Variants in EXOC6B observed in about 807,000 individuals in gnomAD.
The protein encoded by EXOC6B is SEC15 homolog B.
A neutral mutation model predicts 113.5 loss-of-function variants in EXOC6B; 54 were observed. That is an observed-to-expected ratio of 0.48 (90% CI 0.38 to 0.60). The LOEUF (loss-of-function observed/expected upper bound fraction) is 0.60, where lower values mean the gene tolerates loss of function less well. Ranked by LOEUF, EXOC6B falls within the 20% of genes least tolerant of loss-of-function variation. The pLI, the probability that EXOC6B is intolerant of heterozygous loss-of-function variation, is 0.00. For synonymous variants in EXOC6B, 357 were observed against 339.0 expected, an observed-to-expected ratio of 1.05 and a Z score of -0.58; for missense variants, 797 against 977.5, an observed-to-expected ratio of 0.82 and a Z score of 2.46.
intron 20 of EXOC6B, among the ~76,000 whole-genome samples, chr2:72,194,567 A>ATT (rs1234825198): frequency 1.9e-5 from 2 of 104,426 alleles, no homozygotes; most frequent in Non-Finnish European, 3.6e-5. Context: ...TGGGTGAATG[A>ATT]TTTCTCTCTC....
chr2:72,336,151 T>C (rs1006093242), intron 19 of EXOC6B, among the ~76,000 whole-genome samples: 1 of 152,164 alleles, frequency 6.6e-6, no homozygotes, highest in African/African-American at 2.4e-5. Flanking sequence ...TCAAAGCAAA[T>C]ATGAAAAGGA....
At position 72,825,669 on chromosome 2, in the gene EXOC6B, G is replaced by T; in HGVS notation, c.113+129C>A. The T allele has an allele frequency of 8.6e-7, 1 of 1,162,610 alleles. No homozygotes were observed. Among genetic ancestry groups the T allele is most frequent in the Non-Finnish European group, 1.1e-6 (1 of 877,352 alleles). 72.0% of individuals were successfully genotyped at this position (1,162,610 alleles called of 1,614,324 possible). ...TGCGAAGGGAGACCCGCCTCGCCCG[G>T]TATGCAGGGTCTCTCCGAAGGGAGG... On this transcript the variant is annotated intron_variant, in intron 1 of 21. Coordinates refer to ENST00000272427, the MANE Select transcript of EXOC6B (RefSeq NM_015189.3). The surrounding 1 kb of genome is among the most constrained non-coding windows in gnomAD (Gnocchi z 4.4).
rs116505505 is a variant in EXOC6B at position 72,400,488 on chromosome 2, A to G, written c.1981-20618T>C. 2.8e-3 allele frequency among the ~76,000 whole-genome samples: 424 copies of G among 152,228 alleles called. 1 individual carries two copies. Among genetic ancestry groups the G allele is most frequent in the African/African-American group, 9.6e-3 (400 of 41,556 alleles). On this transcript the variant is annotated intron_variant, in intron 18 of 21. Coordinates refer to ENST00000272427, the MANE Select transcript of EXOC6B (RefSeq NM_015189.3). ...ATCTGCACAGTGAAAGAAATAATCA[A>G]CAGAATAAACAGACAAAATACAGAA...
intron 20 of EXOC6B, among the ~76,000 whole-genome samples, chr2:72,195,154 A>G (rs562927926): frequency 2.8e-4 from 43 of 152,316 alleles, no homozygotes; most frequent in Admixed American, 2.4e-3. Context: ...GTAAAGAGAA[A>G]AAAAGAAAGA....
chr2:72,531,432 C>T (rs187717983), intron 8 of EXOC6B, among the ~76,000 whole-genome samples: 7 of 152,110 alleles, frequency 4.6e-5, no homozygotes, highest in Admixed American at 1.3e-4. Flanking sequence ...CAGAAAGTAC[C>T]GGCAAATCAA....
In EXOC6B at chr2:72,286,435, T is replaced by G. The variant is rs538390519; in HGVS notation, c.2196+48512A>C. Among the ~76,000 whole-genome samples the G allele has an allele frequency of 7.2e-5, 11 of 152,192 alleles. 1 individual carries two copies. Among genetic ancestry groups the G allele is most frequent in the African/African-American group, 2.6e-4 (11 of 41,522 alleles). ...CTACATGATTCCAACTACATGACAT[T>G]CCAGAAAAGGCACAATGAGGGGGAC... On this transcript the variant is annotated intron_variant, in intron 20 of 21. Coordinates refer to ENST00000272427, the MANE Select transcript of EXOC6B (RefSeq NM_015189.3).
chr2:72,659,477 G>A (rs1368643847), intron 6 of EXOC6B, among the ~76,000 whole-genome samples: 4 of 152,046 alleles, frequency 2.6e-5, no homozygotes, highest in Non-Finnish European at 4.4e-5. Flanking sequence ...TTGAAGAACT[G>A]TGTTAACAGC....
intron 18 of EXOC6B, among the ~76,000 whole-genome samples, chr2:72,404,608 G>A (rs1232326368): frequency 6.6e-6 from 1 of 152,182 alleles, no homozygotes; most frequent in African/African-American, 2.4e-5. Flanking sequence ...GGACTGGAGT[G>A]GACCTCCAGC....
intron 6 of EXOC6B, among the ~76,000 whole-genome samples, chr2:72,708,269 T>C (rs1366405392): frequency 2.0e-5 from 3 of 152,166 alleles, no homozygotes; most frequent in African/African-American, 7.2e-5. Flanking sequence ...GTTAGGATAG[T>C]GGAACCACAA....
chr2:72,401,655 ATATATATATATG>A (rs1693325576), intron 18 of EXOC6B, among the ~76,000 whole-genome samples: 2 of 76,182 alleles, frequency 2.6e-5, no homozygotes, highest in African/African-American at 9.2e-5. Context: ...ACATATATAT[ATATATATATATG>A]TATATATATA....
intron 18 of EXOC6B, among the ~76,000 whole-genome samples, chr2:72,406,475 T>C (rs1013778764): frequency 5.3e-5 from 8 of 152,054 alleles, no homozygotes; most frequent in Non-Finnish European, 1.2e-4. Context: ...TCAGCAAATG[T>C]AACACAACAG....
At chr2:72,438,098 T>C (rs911256357) in intron 18 of EXOC6B, among the ~76,000 whole-genome samples, 10 of 152,136 alleles carry the variant, frequency 6.6e-5, no homozygotes, top group Admixed American at 3.3e-4. Context: ...GCAGTGAACT[T>C]GAAATTCTAG....
chr2:72,181,182 C>T (rs1278459971), intron 21 of EXOC6B, among the ~76,000 whole-genome samples: 1 of 136,918 alleles, frequency 7.3e-6, no homozygotes, highest in African/African-American at 3.0e-5. Context: ...GCACTCCAGT[C>T]TGGGTGGCAG....
rs78346723 is a variant in EXOC6B at position 72,445,287 on chromosome 2, A to G, written c.1980+19873T>C. On this transcript the variant is annotated intron_variant, in intron 18 of 21. Coordinates refer to ENST00000272427, the MANE Select transcript of EXOC6B (RefSeq NM_015189.3). ...CCTGAACCTTATTGTCCATATTGCT[A>G]TCAGGCTTTTGATCAAAGCCATTCA... Among the ~76,000 whole-genome samples the G allele has an allele frequency of 6.8e-3, 1,042 of 152,288 alleles. 19 individuals are homozygous for G. Among genetic ancestry groups the G allele is most frequent in the African/African-American group, 0.023 (964 of 41,554 alleles).
intron 18 of EXOC6B, among the ~76,000 whole-genome samples, chr2:72,444,325 C>T (rs1403828789): frequency 6.6e-6 from 1 of 152,218 alleles, no homozygotes; most frequent in African/African-American, 2.4e-5. Flanking sequence ...CAGTGTCCCA[C>T]CCAGCTGCTC....
At chr2:72,495,058 A>C (rs554127462) in intron 15 of EXOC6B, among the ~76,000 whole-genome samples, 1 of 151,930 alleles carries the variant, frequency 6.6e-6, no homozygotes, top group African/African-American at 2.4e-5. Flanking sequence ...GGGTCCCACT[A>C]TGTGGCCCAG....
chr2:72,596,725 A>C (rs937311371), intron 6 of EXOC6B, among the ~76,000 whole-genome samples: 1 of 151,980 alleles, frequency 6.6e-6, no homozygotes, highest in African/African-American at 2.4e-5. Flanking sequence ...CAAAAACCTT[A>C]CCACCACATT....
intron 6 of EXOC6B, among the ~76,000 whole-genome samples, chr2:72,700,257 C>CACACACACACACACACACAT: frequency 6.6e-6 from 1 of 151,746 alleles, no homozygotes; most frequent in African/African-American, 2.4e-5. Flanking sequence ...CACACACACA[C>CACACACACACACACACACAT]ACACACACAC....
At chr2:72,500,303 T>C (rs1295890095) in intron 11 of EXOC6B, among the ~76,000 whole-genome samples, 1 of 152,208 alleles carries the variant, frequency 6.6e-6, no homozygotes. Context: ...TCAAAAACTA[T>C]GGTATGTGGC....
Sources: gnomAD v4.1 joint callset for allele counts (sites outside exome capture counted in the v4.1 genomes callset) on GRCh38, gnomAD v4.1.1 for gene constraint, Gnocchi (gnomAD v3.1) non-coding constraint, MANE v1.5 for transcripts, NCBI Gene and HGNC (gene_info 2026-07-23, HGNC 2026-07-21) for gene names.